ITGAX: variants seen among roughly 807,000 people sequenced by gnomAD.
The protein encoded by ITGAX is integrin alpha-X.
ITGAX carries 99 observed loss-of-function variants against 140.2 expected under a neutral mutation model. The ratio of observed to expected loss-of-function variants is 0.71; its 90% CI spans 0.60 to 0.83. ITGAX has a LOEUF of 0.83. Among genes scored for constraint, ITGAX ranks in the 40% least tolerant of loss-of-function variants. ITGAX has a pLI of 0.00. For synonymous variants in ITGAX, 631 were observed against 600.4 expected (o/e 1.05, Z -0.75); for missense variants, 1,444 against 1,482.0 (o/e 0.97, Z 0.42).
At position 31,377,050 on chromosome 16, in the gene ITGAX, C is replaced by T. The variant is rs905432781; in HGVS notation, c.2676C>T (p.Asp892=). Residue 892 remains aspartate, a synonymous_variant, in exon 22 of 30, where the codon GAC becomes GAT. Transcript: ENST00000268296. ...FDVSPKAVLG[D]RLLLTANVSS... Reference sequence around the variant, plus strand: ...TCTCCCCCAAGGCTGTCCTGGGAGACCGGCTGCTTCTGACAGCCAATGTGA... The same window carrying T: ...TCTCCCCCAAGGCTGTCCTGGGAGATCGGCTGCTTCTGACAGCCAATGTGA... The T allele has an allele frequency of 1.2e-6, 2 of 1,614,220 alleles. No individual in the cohort carries two copies. Among genetic ancestry groups the T allele is most frequent in the Non-Finnish European group, 1.7e-6 (2 of 1,180,042 alleles).
At chr16:31,355,429 CAT>C in intron 1 of ITGAX, 138 bp downstream of exon 1, 1 of 883,588 alleles carries the variant, frequency 1.1e-6, no homozygotes, top group Non-Finnish European at 1.8e-6. Context: ...GAGGCAGGCA[CAT>C]AGGGTCTGAG....
chr16:31,363,056 T>C lies in ITGAX; in HGVS notation c.1481T>C (p.Val494Ala). The C allele has an allele frequency of 6.4e-7, 1 of 1,554,738 alleles. No individual in the cohort carries two copies. The highest frequency in any genetic ancestry group is 8.7e-7 in the Non-Finnish European group (1 of 1,147,482). Residue 494 changes from valine to alanine, a missense_variant, in exon 13 of 30, where the codon GTG (valine) becomes GCG (alanine). Transcript: ENST00000268296. Reference protein sequence around the residue: ...YEQTRGGQVSVCPLPRGWRRW... With the variant: ...YEQTRGGQVSACPLPRGWRRW... ...CAGACCCGAGGGGGCCAGGTGTCTGTGTGTCCCTTGCCCAGGGGGGTGAGT... is the reference window on the plus strand; with the variant it reads ...CAGACCCGAGGGGGCCAGGTGTCTGCGTGTCCCTTGCCCAGGGGGGTGAGT...
chr16:31,366,195 T>A (rs956256033), intron 14 of ITGAX, among the ~76,000 whole-genome samples: 4 of 152,232 alleles, frequency 2.6e-5, no homozygotes, highest in Admixed American at 2.6e-4. Flanking sequence ...TCACTTTGTG[T>A]CTCCGTGTTA....
intron 20 of ITGAX, among the ~76,000 whole-genome samples, chr16:31,376,270 T>C (rs574000282): frequency 6.6e-6 from 1 of 152,176 alleles, no homozygotes; most frequent in East Asian, 1.9e-4. Context: ...TTTTAATACA[T>C]TTGAGATTTC....
chr16:31,377,120 G>A, intron 22 of ITGAX, 41 bp downstream of exon 22: 6 of 1,612,342 alleles, frequency 3.7e-6, no homozygotes, highest in Non-Finnish European at 5.1e-6. Flanking sequence ...CTCATCTCCA[G>A]CCTCACACCC....
intron 11 of ITGAX, 77 bp from the exon 12 acceptor site, chr16:31,362,534 T>C: frequency 6.8e-7 from 1 of 1,460,660 alleles, no homozygotes; most frequent in Non-Finnish European, 9.1e-7. Context: ...GAGATGGTGC[T>C]GTGCTGCCCG....
intron 20 of ITGAX, among the ~76,000 whole-genome samples, chr16:31,376,363 G>A (rs1283338421): frequency 1.3e-5 from 2 of 152,212 alleles, no homozygotes; most frequent in Non-Finnish European, 2.9e-5. Context: ...GCTCATACCT[G>A]TAATCCTAGT....
At chr16:31,355,419 G>C in intron 1 of ITGAX, 128 bp downstream of exon 1, 5 of 970,968 alleles carry the variant, frequency 5.1e-6, no homozygotes, top group Non-Finnish European at 7.9e-6. Context: ...GCCTGAGGGG[G>C]AGGCAGGCAC....
intron 26 of ITGAX, 23 bp from the exon 27 acceptor site, chr16:31,380,243 C>T: frequency 6.2e-7 from 1 of 1,609,234 alleles, no homozygotes; most frequent in Admixed American, 1.7e-5. Context: ...TTTCTCAGCC[C>T]CATGCTATTT....
chr16:31,371,373 C>G lies in ITGAX; in HGVS notation c.1881C>G (p.Phe627Leu). 1 of 1,614,218 alleles carries G rather than the reference C, an allele frequency of 6.2e-7. No homozygotes were observed. Among genetic ancestry groups the G allele is most frequent in the Non-Finnish European group, 8.5e-7 (1 of 1,180,040 alleles). ...PVLWVGVSMQ[F>L]IPAEIPRSAF... is the part of the protein sequence containing the mutation. The stretch of plus-strand genomic sequence containing the variant: ...TCTGGGTGGGGGTGAGCATGCAGTT[C>G]ATACCTGCCGAGATCCCCAGGTCTG... The change falls in exon 16 of 30, where the codon TTC (phenylalanine) becomes TTG (leucine). Residue 627 changes from phenylalanine to leucine, a missense_variant. Physicochemically the swap from Phe to Leu is conservative, Grantham distance 22. Transcript: ENST00000268296.
rs1000724957 is a variant in ITGAX at position 31,371,270 on chromosome 16, G to A, written c.1841+56G>A. ...GGTGGTCCTAGGTTCAGATGGGGGT[G>A]CCCACCCCACGTGGTGCTCCCAGGA... On this transcript the variant is annotated intron_variant, in intron 15 of 29. Coordinates refer to ENST00000268296, the MANE Select transcript of ITGAX (RefSeq NM_000887.5). 40 of 1,606,476 alleles carry A rather than the reference G, an allele frequency of 2.5e-5. No homozygotes were observed. In the East Asian group the frequency reaches 2.7e-4, roughly 11 times the overall value.
chr16:31,360,809 A>G (rs1279079890), intron 8 of ITGAX: 8 of 527,530 alleles, frequency 1.5e-5, no homozygotes, highest in Non-Finnish European at 2.7e-5. Flanking sequence ...AACCACCGCC[A>G]ACAACATCCC....
chr16:31,377,313 C>CAAA (rs71700237), intron 23 of ITGAX, 48 bp downstream of exon 23: 35 of 975,724 alleles, frequency 3.6e-5, no homozygotes, highest in African/African-American at 2.8e-4. Context: ...TCTCTGACCT[C>CAAA]AAAAAGAAAA....
At chr16:31,373,159 T>C (rs754026491) in intron 19 of ITGAX, 90 bp from the exon 20 acceptor site, 23 of 766,082 alleles carry the variant, frequency 3.0e-5, no homozygotes, top group Non-Finnish European at 4.0e-5. Context: ...CCTGTCTATC[T>C]CCCAAATCCC....
chr16:31,371,913 C>CAG, intron 17 of ITGAX, 129 bp downstream of exon 17: 1 of 1,103,110 alleles, frequency 9.1e-7, no homozygotes, highest in Non-Finnish European at 1.3e-6. Context: ...GCAGGACGTG[C>CAG]TTACTGCACG....
chr16:31,359,591 G>A, intron 5 of ITGAX, 109 bp from the exon 6 acceptor site: 2 of 1,326,414 alleles, frequency 1.5e-6, no homozygotes, highest in South Asian at 2.8e-5. Context: ...GCCAGACTAG[G>A]GGCTTAGGGG....
At position 31,355,947 on chromosome 16, in the gene ITGAX, G is replaced by T; in HGVS notation, c.92G>T (p.Arg31Leu). Reference protein sequence around the residue: ...NLDTEELTAFRVDSAGFGDSV... With the variant: ...NLDTEELTAFLVDSAGFGDSV... ...GACACAGAGGAGCTGACAGCCTTCC[G>T]TGTGGACAGCGCTGGGTTTGGAGAC... Residue 31 changes from arginine (R) to leucine (L), a missense_variant, in exon 2 of 30, where the codon CGT (arginine) becomes CTT (leucine). Arg to Leu is a moderately radical substitution (Grantham distance 102, BLOSUM62 -2). Coordinates refer to ENST00000268296, the MANE Select transcript of ITGAX (RefSeq NM_000887.5). The T allele has an allele frequency of 1.2e-6, 2 of 1,613,854 alleles. No individual in the cohort carries two copies. The highest frequency in any genetic ancestry group is 1.7e-6 in the Non-Finnish European group (2 of 1,179,840).
chr16:31,359,273 A>C (rs914732609), intron 5 of ITGAX, among the ~76,000 whole-genome samples: 1 of 152,044 alleles, frequency 6.6e-6, no homozygotes, highest in East Asian at 1.9e-4. Flanking sequence ...GGTTCAAGCA[A>C]TTCTGCCTCT....
At chr16:31,378,258 C>T (rs1310577800) in intron 23 of ITGAX, among the ~76,000 whole-genome samples, 5 of 152,234 alleles carry the variant, frequency 3.3e-5, no homozygotes, top group African/African-American at 1.2e-4. Flanking sequence ...ATTTGGTCAA[C>T]AGCGTCAGCC....
Sources: allele counts gnomAD v4.1 joint callset (sites outside exome capture counted in the v4.1 genomes callset), GRCh38; gene constraint gnomAD v4.1.1; transcripts MANE v1.5; gene names NCBI Gene and HGNC (gene_info 2026-07-23, HGNC 2026-07-21).